Variants in C16orf96 observed in about 807,000 individuals in gnomAD.
C16orf96 encodes uncharacterized protein C16orf96.
In C16orf96, 108 loss-of-function variants were observed where a neutral mutation model predicts 103.6. That is an observed-to-expected ratio of 1.04 (90% CI 0.89 to 1.22). The LOEUF (loss-of-function observed/expected upper bound fraction) is 1.22. C16orf96 is among the 50% of genes most tolerant of loss of function. C16orf96 has a pLI of 0.00. For missense variants in C16orf96, 1,586 were observed against 1,464.2 expected (o/e 1.08, Z -1.36); for synonymous variants, 566 against 593.5 (o/e 0.95, Z 0.67).
In C16orf96 at chr16:4,556,504, C is replaced by T. The variant is rs972252594; in HGVS notation, c.15C>T (p.Leu5=). The change falls in exon 1 of 16, where the codon CTC becomes CTT. Residue 5 remains leucine (L), a synonymous_variant. Coordinates refer to ENST00000444310, the MANE Select transcript of C16orf96 (RefSeq NM_001145011.2). The stretch of plus-strand genomic sequence containing the variant: ...ACCCTGGCAGGATGAGCTTCTCACT[C>T]ACGTTCACCGAGCTGGCCAACATCG... MSFS[L]TFTELANIAI... is the part of the protein sequence containing the mutation. The T allele has an allele frequency of 1.3e-6, 2 of 1,530,088 alleles. No homozygotes were observed. The highest frequency in any genetic ancestry group is 2.8e-5 in the African/African-American group (2 of 72,724). 94.8% of individuals were successfully genotyped at this position (1,530,088 alleles called of 1,614,324 possible).
intron 7 of C16orf96, among the ~76,000 whole-genome samples, chr16:4,582,478 T>C (rs1229726016): frequency 6.6e-6 from 1 of 152,046 alleles, no homozygotes; most frequent in Admixed American, 6.6e-5. Flanking sequence ...TGGGACCCAT[T>C]TGAGGCAACT....
Position 4,575,003 on chromosome 16 carries a change from C to T in C16orf96, c.638C>T (p.Pro213Leu), listed in dbSNP as rs964235535. ...CTCCAGAATAAGTTTAAAACCATCCCCAAAACCGAGGACATGGTGCTCTGG... is the reference window on the plus strand; with the variant it reads ...CTCCAGAATAAGTTTAAAACCATCCTCAAAACCGAGGACATGGTGCTCTGG... ...ASLQNKFKTI[P>L]KTEDMVLWSG... Residue 213 changes from proline (P) to leucine (L), a missense_variant, in exon 4 of 16, where the codon CCC (proline) becomes CTC (leucine). Physicochemically the swap from Pro to Leu is moderately conservative, Grantham distance 98. Coordinates refer to ENST00000444310, the MANE Select transcript of C16orf96 (RefSeq NM_001145011.2). 14 of 1,551,424 alleles carry T rather than the reference C, an allele frequency of 9.0e-6. No homozygotes were observed. Among genetic ancestry groups the T allele is most frequent in the Non-Finnish European group, 9.6e-6 (11 of 1,147,026 alleles).
At chr16:4,582,238 C>T (rs576442588) in intron 7 of C16orf96, among the ~76,000 whole-genome samples, 47 of 151,874 alleles carry the variant, frequency 3.1e-4, no homozygotes, top group Non-Finnish European at 4.7e-4. Flanking sequence ...GCGAAGATTG[C>T]GCCATTGCAC....
chr16:4,594,468 G>A lies in C16orf96; in HGVS notation c.2985G>A (p.Thr995=), dbSNP rs979686752. The A allele has an allele frequency of 6.4e-6, 10 of 1,551,422 alleles. No homozygotes were observed. The highest frequency in any genetic ancestry group is 1.7e-4 in the Middle Eastern group (1 of 6,014). The change falls in exon 13 of 16, where the codon ACG becomes ACA. Residue 995 remains threonine, a synonymous_variant. Transcript: ENST00000444310. ...SLKCKSCNLL[T]LYPYGDPHVI... The stretch of plus-strand genomic sequence containing the variant: ...AGTGCAAGTCCTGCAACCTGTTGAC[G>A]CTCTATCCCTACGGGGATCCCCACG...
chr16:4,542,460 C>T, the C16orf96 span, among the ~76,000 whole-genome samples: 1 of 152,154 alleles, frequency 6.6e-6, no homozygotes, highest in Admixed American at 6.5e-5. Flanking sequence ...TTTAATAATA[C>T]ATTTAACTCA....
At chr16:4,587,221 T>A in intron 8 of C16orf96, 108 bp downstream of exon 8, 1 of 1,097,556 alleles carries the variant, frequency 9.1e-7, no homozygotes, top group Non-Finnish European at 1.3e-6. Flanking sequence ...TCCCCCTTTG[T>A]TCATATTGAA....
chr16:4,592,189 G>A, intron 10 of C16orf96, 116 bp from the exon 11 acceptor site: 4 of 1,288,058 alleles, frequency 3.1e-6, no homozygotes, highest in Non-Finnish European at 4.3e-6. Context: ...CTGTGGGGCT[G>A]AGCTGGGCCG....
At chr16:4,566,419 G>C (rs146583408) in intron 1 of C16orf96, among the ~76,000 whole-genome samples, 12 of 152,284 alleles carry the variant, frequency 7.9e-5, no homozygotes, top group African/African-American at 2.9e-4. Context: ...TCATTTCCCT[G>C]ATGACGAATG....
At chr16:4,549,209 T>A in the C16orf96 span, among the ~76,000 whole-genome samples, 1 of 151,976 alleles carries the variant, frequency 6.6e-6, no homozygotes, top group African/African-American at 2.4e-5. Flanking sequence ...GCGCGGTGGC[T>A]CACGCCTGTA....
the C16orf96 span, among the ~76,000 whole-genome samples, chr16:4,545,690 C>G: frequency 3.7e-4 from 57 of 152,134 alleles, no homozygotes; most frequent in Non-Finnish European, 7.1e-4. Context: ...CCAACAGCAC[C>G]CACCTCCCAC....
At chr16:4,572,275 A>T (rs907032346) in intron 2 of C16orf96, among the ~76,000 whole-genome samples, 1 of 151,174 alleles carries the variant, frequency 6.6e-6, no homozygotes, top group African/African-American at 2.4e-5. Flanking sequence ...AGGGACGGCC[A>T]GATCTAGGTA....
At chr16:4,577,060 G>A (rs553344316) in intron 5 of C16orf96, among the ~76,000 whole-genome samples, 2 of 152,092 alleles carry the variant, frequency 1.3e-5, no homozygotes, top group African/African-American at 4.8e-5. Flanking sequence ...GCGTGGTGGT[G>A]TATGCCTGTA....
Position 4,575,525 on chromosome 16 carries a change from G to T in C16orf96, c.1045G>T (p.Ala349Ser), listed in dbSNP as rs919961166. Residue 349 changes from alanine to serine, a missense_variant, in exon 5 of 16, where the codon GCC becomes TCC. By Grantham distance (99) the Ala-to-Ser change is moderately conservative (BLOSUM62 1). Transcript: ENST00000444310. Reference protein sequence around the residue: ...ELGLELEPVPALGPVPGPSVT... With the variant: ...ELGLELEPVPSLGPVPGPSVT... ...GGGGCTGGAGCTGGAGCCTGTGCCTGCCCTGGGGCCTGTCCCAGGGCCCAG... is the reference window on the plus strand; with the variant it reads ...GGGGCTGGAGCTGGAGCCTGTGCCTTCCCTGGGGCCTGTCCCAGGGCCCAG... 5.2e-6 allele frequency: 8 copies of T among 1,545,336 alleles called. No homozygotes were observed. The highest frequency in any genetic ancestry group is 4.1e-5 in the African/African-American group (3 of 73,016).
Position 4,593,366 on chromosome 16 carries a change from T to G in C16orf96, c.2867+50T>G. The G allele has an allele frequency of 2.0e-6, 3 of 1,493,324 alleles. No individual in the cohort carries two copies. Among genetic ancestry groups the G allele is most frequent in the Non-Finnish European group, 2.7e-6 (3 of 1,099,878 alleles). 92.5% of individuals were successfully genotyped at this position (1,493,324 alleles called of 1,614,324 possible). On this transcript the variant is annotated intron_variant, in intron 12 of 15. Coordinates refer to ENST00000444310, the MANE Select transcript of C16orf96 (RefSeq NM_001145011.2). This position sits in a 1 kb window ranked among gnomAD's most constrained non-coding sequence, Gnocchi z 4.2. ...GGAGGCCGCCCCGCATGGAGGCCAC[T>G]CTGGAGCCTGGGAACCCTGTTCCTG...
At chr16:4,544,073 T>A in the C16orf96 span, among the ~76,000 whole-genome samples, 2 of 151,668 alleles carry the variant, frequency 1.3e-5, no homozygotes, top group African/African-American at 4.8e-5. Context: ...TAAGGAGGGG[T>A]CATAGAGGGG....
At chr16:4,559,019 G>T (rs1382149886) in intron 1 of C16orf96, among the ~76,000 whole-genome samples, 2 of 151,482 alleles carry the variant, frequency 1.3e-5, no homozygotes, top group East Asian at 3.9e-4. Flanking sequence ...TGGAAGGCAG[G>T]TGTTGCAGTG....
chr16:4,574,862 G>T (rs1361543831), intron 3 of C16orf96, 73 bp downstream of exon 3: 31 of 1,526,958 alleles, frequency 2.0e-5, no homozygotes, highest in Non-Finnish European at 2.3e-5. Flanking sequence ...GGGTGCTGAG[G>T]GTAGGGAGGT....
intron 1 of C16orf96, among the ~76,000 whole-genome samples, chr16:4,562,526 C>G (rs1424685347): frequency 6.6e-6 from 1 of 150,448 alleles, no homozygotes; most frequent in Non-Finnish European, 1.5e-5. Context: ...TTTACAAAAC[C>G]TTTATTCACT....
intron 9 of C16orf96, among the ~76,000 whole-genome samples, chr16:4,589,246 A>T (rs1005112765): frequency 1.3e-5 from 2 of 151,996 alleles, no homozygotes; most frequent in Non-Finnish European, 2.9e-5. Flanking sequence ...AACCTACAGG[A>T]TATTAGAGAG....
Sources: gnomAD v4.1 joint callset for allele counts (sites outside exome capture counted in the v4.1 genomes callset) on GRCh38, gnomAD v4.1.1 for gene constraint, Gnocchi (gnomAD v3.1) non-coding constraint, MANE v1.5 for transcripts, NCBI Gene and HGNC (gene_info 2026-07-23, HGNC 2026-07-21) for gene names.